The following SLAIN1 variants were observed in gnomAD, a reference collection of about 807,000 sequenced individuals.
SLAIN1 encodes SLAIN motif-containing protein 1.
SLAIN1 carries 17 observed loss-of-function variants against 55.4 expected under a neutral mutation model. The ratio of observed to expected loss-of-function variants is 0.31; its 90% confidence interval spans 0.21 to 0.46. The LOEUF (loss-of-function observed/expected upper bound fraction) is 0.46. Among genes scored for constraint, SLAIN1 ranks in the 20% least tolerant of loss-of-function variants. The pLI is 1.00. For missense variants in SLAIN1, 682 were observed against 785.1 expected (o/e 0.87, Z 1.57); for synonymous variants, 348 against 337.4 (o/e 1.03, Z -0.35).
At chr13:77,705,550 A>G (rs1041350958) in intron 1 of SLAIN1, among the ~76,000 whole-genome samples, 2 of 151,944 alleles carry the variant, frequency 1.3e-5, no homozygotes, top group Non-Finnish European at 2.9e-5. Context: ...GCCAGATAGG[A>G]CATTGTAAAT....
chr13:77,754,928 T>C (rs1874491680), intron 5 of SLAIN1, among the ~76,000 whole-genome samples: 1 of 152,196 alleles, frequency 6.6e-6, no homozygotes, highest in African/African-American at 2.4e-5. Flanking sequence ...GCTTGACCTA[T>C]TAAATATTTA....
chr13:77,742,996 A>C, intron 2 of SLAIN1: 1 of 1,260,510 alleles, frequency 7.9e-7, no homozygotes, highest in Non-Finnish European at 1.0e-6. Flanking sequence ...AACTGCTGCT[A>C]TTTTCTGCTT....
At chr13:77,747,989 A>C (rs1873952085) in intron 4 of SLAIN1, among the ~76,000 whole-genome samples, 1 of 152,118 alleles carries the variant, frequency 6.6e-6, no homozygotes, top group African/African-American at 2.4e-5. Flanking sequence ...ACCAATAAAA[A>C]AATTTATAAT....
At chr13:77,721,568 G>T (rs1012331217) in intron 2 of SLAIN1, among the ~76,000 whole-genome samples, 12 of 151,992 alleles carry the variant, frequency 7.9e-5, no homozygotes, top group African/African-American at 2.9e-4. Flanking sequence ...TTCAGAATTA[G>T]TCCTTTATCT....
At chr13:77,714,286 G>A (rs966746271) in intron 1 of SLAIN1, among the ~76,000 whole-genome samples, 2 of 152,016 alleles carry the variant, frequency 1.3e-5, no homozygotes, top group Non-Finnish European at 1.5e-5. Context: ...TTTTACATAC[G>A]TGGTAGATGG....
At chr13:77,735,581 A>G (rs1873079440) in intron 2 of SLAIN1, among the ~76,000 whole-genome samples, 1 of 152,166 alleles carries the variant, frequency 6.6e-6, no homozygotes, top group African/African-American at 2.4e-5. Context: ...TGGTTGAAAA[A>G]AACAAGAATA....
In SLAIN1 at chr13:77,711,887, C is replaced by T. The variant is rs186267560; in HGVS notation, c.627-7645C>T. Among the ~76,000 whole-genome samples, 30 of 152,278 alleles carry T rather than the reference C, an allele frequency of 2.0e-4. No homozygotes were observed. In the East Asian group the frequency reaches 2.3e-3, roughly 12 times the overall value. ...AAAAGCTTATCCACCACGGTCAAGTCGGCTTCATCCCCGGGATGCAGGGCT... is the reference window on the plus strand; with the variant it reads ...AAAAGCTTATCCACCACGGTCAAGTTGGCTTCATCCCCGGGATGCAGGGCT... On this transcript the variant is annotated intron_variant, in intron 1 of 6. Transcript: ENST00000418532.
At chr13:77,746,177 T>C (rs1290583804) in intron 3 of SLAIN1, among the ~76,000 whole-genome samples, 1 of 152,146 alleles carries the variant, frequency 6.6e-6, no homozygotes, top group Non-Finnish European at 1.5e-5. Context: ...CATAATGAGA[T>C]GAATATTTCT....
At chr13:77,752,955 A>T (rs1421053540) in intron 4 of SLAIN1, among the ~76,000 whole-genome samples, 1 of 152,178 alleles carries the variant, frequency 6.6e-6, no homozygotes, top group African/African-American at 2.4e-5. Context: ...CCCAGGAGCA[A>T]TGCTTTACAT....
chr13:77,712,948 A>G (rs1420639621), intron 1 of SLAIN1, among the ~76,000 whole-genome samples: 2 of 152,120 alleles, frequency 1.3e-5, no homozygotes, highest in Non-Finnish European at 2.9e-5. Context: ...TGACCAAAAC[A>G]AGTAATGGGG....
At position 77,698,614 on chromosome 13, in the gene SLAIN1, G is replaced by T. The variant is rs1015175634; in HGVS notation, c.626+75G>T. The T allele has an allele frequency of 2.3e-5, 30 of 1,328,488 alleles. No homozygotes were observed. The highest frequency in any genetic ancestry group is 3.7e-5 in the Admixed American group (1 of 27,032). 82.3% of individuals were successfully genotyped at this position (1,328,488 alleles called of 1,614,324 possible). On this transcript the variant is annotated intron_variant, in intron 1 of 6. Transcript: ENST00000418532. This position sits in a 1 kb window ranked among gnomAD's most constrained non-coding sequence, Gnocchi z 4.1. ...GGGCACCGGGGAGCGGGGGCGGGGG[G>T]CGGACGGGGGTCCCCTCGCGGCAGC...
intron 1 of SLAIN1, among the ~76,000 whole-genome samples, chr13:77,716,481 TTAA>T (rs1413181072): frequency 2.6e-5 from 4 of 152,128 alleles, no homozygotes; most frequent in African/African-American, 9.7e-5. Flanking sequence ...AATTGACATC[TTAA>T]TATTTAGTTT....
rs929968760 is a variant in SLAIN1, at chr13:77,697,812, C to G, written c.-102C>G. 190 of 1,159,090 alleles carry G rather than the reference C, an allele frequency of 1.6e-4. No individual in the cohort carries two copies. The African/African-American group carries it at 2.8e-3, about 17-fold the overall frequency. 71.8% of individuals were successfully genotyped at this position (1,159,090 alleles called of 1,614,324 possible). ...CTCAGCCCGCGCGTGGTCGGCCCCC[C>G]AGGCCGGGGCGACAGGGAAGGAGCC... On this transcript the variant is annotated 5_prime_UTR_variant, in exon 1 of 7. Coordinates refer to ENST00000418532, the MANE Select transcript of SLAIN1 (RefSeq NM_001242868.2).
At position 77,763,133 on chromosome 13, in the gene SLAIN1, G is replaced by A. The variant is rs1296726157; in HGVS notation, c.1698-12G>A. The A allele has an allele frequency of 1.2e-6, 2 of 1,610,524 alleles. No homozygotes were observed. The highest frequency in any genetic ancestry group is 1.3e-5 in the African/African-American group (1 of 74,886). ...AACAATCTCTCTCTCTGTTTTTCTT[G>A]TCTCTTTTTAGTTTTCTTCAGCCTC... On this transcript the variant is annotated splice_polypyrimidine_tract_variant and intron_variant, in intron 6 of 6. Transcript: ENST00000418532.
chr13:77,756,689 G>A (rs904091167), intron 5 of SLAIN1, among the ~76,000 whole-genome samples: 2 of 152,022 alleles, frequency 1.3e-5, no homozygotes, highest in African/African-American at 4.8e-5. Context: ...TGTCATCAGG[G>A]GAATAATCAC....
chr13:77,756,030 T>G (rs968085243), intron 5 of SLAIN1, among the ~76,000 whole-genome samples: 15 of 152,294 alleles, frequency 9.8e-5, no homozygotes, highest in African/African-American at 3.6e-4. Flanking sequence ...AGGAACACAG[T>G]TGTAGTCAAA....
intron 1 of SLAIN1, among the ~76,000 whole-genome samples, chr13:77,711,805 A>AC (rs2091153939): frequency 6.6e-6 from 1 of 152,212 alleles, no homozygotes; most frequent in Non-Finnish European, 1.5e-5. Flanking sequence ...TCCCTGATGA[A>AC]CATCGATGTG....
chr13:77,702,913 A>G (rs2091045356), intron 1 of SLAIN1, among the ~76,000 whole-genome samples: 1 of 152,174 alleles, frequency 6.6e-6, no homozygotes, highest in Admixed American at 6.6e-5. Flanking sequence ...GTATTTTTGC[A>G]TTATGATCAA....
At chr13:77,730,145 C>G (rs2091343789) in intron 2 of SLAIN1, among the ~76,000 whole-genome samples, 4 of 152,082 alleles carry the variant, frequency 2.6e-5, no homozygotes, top group African/African-American at 7.2e-5. Context: ...GGAAATGACT[C>G]TAAATGAAAC....
Sources: gnomAD v4.1 joint callset for allele counts (sites outside exome capture counted in the v4.1 genomes callset) on GRCh38, gnomAD v4.1.1 for gene constraint, Gnocchi (gnomAD v3.1) non-coding constraint, MANE v1.5 for transcripts, NCBI Gene and HGNC (gene_info 2026-07-23, HGNC 2026-07-21) for gene names.